Variants in ASPH observed in about 807,000 individuals in gnomAD.
The protein encoded by ASPH is aspartyl/asparaginyl beta-hydroxylase.
A neutral mutation model predicts 118.4 loss-of-function variants in ASPH; 100 were observed. That is an observed-to-expected ratio of 0.84 (90% CI 0.72 to 1.00). ASPH has a LOEUF of 1.00. Among genes scored for constraint, ASPH ranks in the 50% least tolerant of loss-of-function variants. The pLI is 0.00. For synonymous variants in ASPH, 315 were observed against 325.6 expected (o/e 0.97, Z 0.35); for missense variants, 920 against 919.5 (o/e 1.00, Z -0.01).
chr8:61,640,848 C>G (rs1359072540), intron 10 of ASPH, among the ~76,000 whole-genome samples: 1 of 152,204 alleles, frequency 6.6e-6, no homozygotes, highest in African/African-American at 2.4e-5. Context: ...TCTAGGTTAT[C>G]TTTGATGTAG....
intron 11 of ASPH, 85 bp from the exon 12 acceptor site, chr8:61,638,088 T>A: frequency 5.8e-6 from 8 of 1,373,938 alleles, no homozygotes; most frequent in Non-Finnish European, 8.0e-6. Context: ...TTCAGATTCC[T>A]AAATTAACTC....
chr8:61,616,331 G>A (rs539833801), intron 14 of ASPH, among the ~76,000 whole-genome samples: 2 of 152,288 alleles, frequency 1.3e-5, no homozygotes, highest in Non-Finnish European at 1.5e-5. Context: ...TCTGGAGCAT[G>A]AGAGGCAGAG....
chr8:61,662,941 T>G, intron 3 of ASPH: 1 of 985,338 alleles, frequency 1.0e-6, no homozygotes, highest in Non-Finnish European at 1.2e-6. Flanking sequence ...TTCTGCCACA[T>G]AGCCATTGAA....
At chr8:61,518,804 C>A (rs1563671685) in intron 22 of ASPH, among the ~76,000 whole-genome samples, 1 of 152,184 alleles carries the variant, frequency 6.6e-6, no homozygotes, top group Non-Finnish European at 1.5e-5. Context: ...CTTGTAGGGT[C>A]ATGACTTTTC....
chr8:61,576,135 G>A (rs1028285869), intron 16 of ASPH, among the ~76,000 whole-genome samples: 11 of 152,136 alleles, frequency 7.2e-5, no homozygotes, highest in African/African-American at 2.4e-4. Flanking sequence ...TGTCCTGTGA[G>A]ACCTCTTGTA....
rs34108497 is a variant in ASPH at position 61,638,365 on chromosome 8, T to TAAA, written c.791-5_791-3dup. 3.1e-4 allele frequency: 411 copies of TAAA among 1,339,030 alleles called. No individual in the cohort carries two copies. Among genetic ancestry groups the TAAA allele is most frequent in the South Asian group, 8.7e-4 (66 of 75,760 alleles). The allele number at this position is 1,339,030 out of a possible 1,614,324, so 82.9% of individuals were successfully genotyped here. A position where few individuals can be genotyped will look rare whatever the true frequency, so the allele number is the denominator to read the frequency against. On this transcript the variant is annotated splice_region_variant and splice_polypyrimidine_tract_variant and intron_variant, in intron 10 of 24. Coordinates refer to ENST00000379454, the MANE Select transcript of ASPH (RefSeq NM_004318.4). Reference sequence around the variant, plus strand: ...CATTTTCTAGAGGTTCATATACTGCTAAAAAAAAAAAAACAGAAACAAAAT... The same window carrying TAAA: ...CATTTTCTAGAGGTTCATATACTGCTAAAAAAAAAAAAAAAACAGAAACAAAAT...
At chr8:61,615,025 A>G (rs1453196484) in intron 14 of ASPH, among the ~76,000 whole-genome samples, 4 of 152,116 alleles carry the variant, frequency 2.6e-5, no homozygotes, top group African/African-American at 9.7e-5. Flanking sequence ...TAATGCAATC[A>G]TATCCATCTT....
chr8:61,697,561 G>A (rs1834218176), intron 1 of ASPH, among the ~76,000 whole-genome samples: 1 of 152,170 alleles, frequency 6.6e-6, no homozygotes, highest in Admixed American at 6.5e-5. Context: ...CTATACTTCA[G>A]ACCAACTGGC....
intron 14 of ASPH, among the ~76,000 whole-genome samples, chr8:61,590,218 C>G (rs1176555365): frequency 6.6e-6 from 1 of 152,080 alleles, no homozygotes; most frequent in Non-Finnish European, 1.5e-5. Flanking sequence ...CACTGACTTG[C>G]TTTCTCCCCG....
chr8:61,543,916 A>G (rs575379633), intron 21 of ASPH, among the ~76,000 whole-genome samples: 10 of 152,318 alleles, frequency 6.6e-5, no homozygotes, highest in African/African-American at 2.4e-4. Flanking sequence ...ATACCTGCCA[A>G]TAATTGTTTT....
At chr8:61,666,014 A>G (rs1349826998) in intron 3 of ASPH, among the ~76,000 whole-genome samples, 1 of 152,200 alleles carries the variant, frequency 6.6e-6, no homozygotes, top group Non-Finnish European at 1.5e-5. Context: ...AAGATAATTT[A>G]AAATGTTTAG....
chr8:61,607,173 T>C (rs935909314), intron 14 of ASPH: 15 of 658,052 alleles, frequency 2.3e-5, no homozygotes, highest in Non-Finnish European at 3.8e-5. Flanking sequence ...TTTGGCAAAC[T>C]AATGCATCAT....
At chr8:61,539,060 G>A (rs1820696347) in intron 21 of ASPH, among the ~76,000 whole-genome samples, 1 of 151,998 alleles carries the variant, frequency 6.6e-6, no homozygotes, top group African/African-American at 2.4e-5. Context: ...TGGCCAACAT[G>A]GTGAAACCCG....
chr8:61,590,285 A>G (rs1587755609), intron 14 of ASPH, among the ~76,000 whole-genome samples: 2 of 152,294 alleles, frequency 1.3e-5, no homozygotes, highest in East Asian at 3.9e-4. Context: ...AGTAGAGTCC[A>G]GAGTGCTTGC....
chr8:61,524,763 T>A (rs1159669408), intron 22 of ASPH, among the ~76,000 whole-genome samples: 1 of 150,034 alleles, frequency 6.7e-6, no homozygotes, highest in African/African-American at 2.4e-5. Context: ...TTTTTTTTTT[T>A]TTTGGCAGAA....
At chr8:61,579,825 C>T (rs1347121433) in intron 15 of ASPH, among the ~76,000 whole-genome samples, 1 of 151,896 alleles carries the variant, frequency 6.6e-6, no homozygotes, top group Non-Finnish European at 1.5e-5. Context: ...CCTGGGGACC[C>T]CCCTTGCCCA....
chr8:61,562,409 G>T (rs1448876057), intron 18 of ASPH, among the ~76,000 whole-genome samples: 1 of 149,520 alleles, frequency 6.7e-6, no homozygotes, highest in African/African-American at 2.5e-5. Context: ...GTGTGTGTGT[G>T]TGTGTGTGTA....
intron 3 of ASPH, chr8:61,657,763 C>T (rs1008434624): frequency 7.9e-5 from 12 of 152,240 alleles, no homozygotes; most frequent in African/African-American, 2.9e-4. Context: ...ATTTACTTCT[C>T]CTAAGAGTTA....
At position 61,555,785 on chromosome 8, in the gene ASPH, G is replaced by A. The variant is rs1827656953; in HGVS notation, c.1536+139C>T. 6 of 693,236 alleles carry A rather than the reference G, an allele frequency of 8.7e-6. No individual in the cohort carries two copies. The South Asian group carries it at 1.1e-4, about 12-fold the overall frequency. The allele number at this position is 693,236 out of a possible 1,614,324, so 42.9% of individuals were successfully genotyped here. A position where few individuals can be genotyped will look rare whatever the true frequency, so the allele number is the denominator to read the frequency against. On this transcript the variant is annotated intron_variant, in intron 19 of 24. Transcript: ENST00000379454. ...GTGGAGGCCCACGCTGCTTATGAAT[G>A]TCATGGTCTGAGGGTGGACATCCTG...
Sources: allele counts gnomAD v4.1 joint callset (sites outside exome capture counted in the v4.1 genomes callset), GRCh38; gene constraint gnomAD v4.1.1; transcripts MANE v1.5; gene names NCBI Gene and HGNC (gene_info 2026-07-23, HGNC 2026-07-21).